The following ZNF644 variants were observed in gnomAD, a reference collection of about 807,000 sequenced individuals.
The protein encoded by ZNF644 is zinc finger motif enhancer binding protein 2.
In ZNF644, 20 loss-of-function variants were observed where a neutral mutation model predicts 108.0. The ratio of observed to expected loss-of-function variants is 0.19; its 90% confidence interval spans 0.13 to 0.27. The LOEUF (loss-of-function observed/expected upper bound fraction) is 0.27. Among genes scored for constraint, ZNF644 ranks in the 10% least tolerant of loss-of-function variants. The pLI is 1.00. For missense variants in ZNF644, 1,338 were observed against 1,548.9 expected (o/e 0.86, Z 2.29); for synonymous variants, 542 against 539.1 (o/e 1.01, Z -0.08).
rs967268562 is a variant in ZNF644, at chr1:90,938,574, T to C, written c.2780A>G (p.Asn927Ser). ...YFEYYEDTGS[N>S]NFLHEIHDPQ... ...ATCATGTATCTCATGCAAAAAGTTGTTACTTCCAGTATCTTCATAGTATTC... is the reference window on the plus strand; with the variant it reads ...ATCATGTATCTCATGCAAAAAGTTGCTACTTCCAGTATCTTCATAGTATTC... The change falls in exon 3 of 6, where the codon AAC (asparagine) becomes AGC (serine). Residue 927 changes from asparagine (N) to serine (S), a missense_variant. Asn to Ser is a conservative substitution (Grantham distance 46, BLOSUM62 1). Coordinates refer to ENST00000337393, the MANE Select transcript of ZNF644 (RefSeq NM_201269.3). The surrounding 1 kb of genome is among the most constrained non-coding windows in gnomAD (Gnocchi z 4.2). 6.2e-7 allele frequency: 1 copy of C among 1,613,920 alleles called. No individual in the cohort carries two copies. The highest frequency in any genetic ancestry group is 8.5e-7 in the Non-Finnish European group (1 of 1,179,866).
Position 90,952,736 on chromosome 1 carries a change from T to C in ZNF644, c.45-11427A>G, listed in dbSNP as rs1027953245. 1.2e-4 allele frequency among the ~76,000 whole-genome samples: 19 copies of C among 152,036 alleles called. 1 individual carries two copies. The highest frequency in any genetic ancestry group is 3.1e-4 in the African/African-American group (13 of 41,394). On this transcript the variant is annotated intron_variant, in intron 2 of 5. Coordinates refer to ENST00000337393, the MANE Select transcript of ZNF644 (RefSeq NM_201269.3). ...AACTGATATGGTAAAAGATCACACATACATTCCAACATCTAGTTGGAATCC... is the reference window on the plus strand; with the variant it reads ...AACTGATATGGTAAAAGATCACACACACATTCCAACATCTAGTTGGAATCC...
rs147561575 is a variant in ZNF644 at position 90,936,567 on chromosome 1, A to G, written c.3688+918T>C. Among the ~76,000 whole-genome samples the G allele has an allele frequency of 2.7e-3, 407 of 152,318 alleles. 2 individuals carry two copies. Among genetic ancestry groups the G allele is most frequent in the African/African-American group, 9.4e-3 (389 of 41,570 alleles). On this transcript the variant is annotated intron_variant, in intron 4 of 5. Coordinates refer to ENST00000337393, the MANE Select transcript of ZNF644 (RefSeq NM_201269.3). Reference sequence around the variant, plus strand: ...AAGCAAATAAACAACATTACTTTACAGTAATGTTAGTCGTTATTAATCCAT... The same window carrying G: ...AAGCAAATAAACAACATTACTTTACGGTAATGTTAGTCGTTATTAATCCAT...
intron 2 of ZNF644, among the ~76,000 whole-genome samples, chr1:90,950,388 ATTG>A (rs1653021733): frequency 6.6e-6 from 1 of 150,950 alleles, no homozygotes. Flanking sequence ...TGTTGTTGTT[ATTG>A]TTAGTAGTTT....
chr1:90,997,155 G>A (rs1658222587), intron 1 of ZNF644, among the ~76,000 whole-genome samples: 2 of 152,190 alleles, frequency 1.3e-5, no homozygotes, highest in African/African-American at 4.8e-5. Flanking sequence ...AGAGCCACAT[G>A]TACAGAAAGG....
intron 4 of ZNF644, among the ~76,000 whole-genome samples, chr1:90,919,168 T>C (rs1235179236): frequency 2.0e-5 from 3 of 152,174 alleles, no homozygotes; most frequent in South Asian, 2.1e-4. Context: ...ACCATTTCTT[T>C]GGACAAAGGG....
chr1:90,920,576 C>T (rs778741750), intron 4 of ZNF644, among the ~76,000 whole-genome samples: 18 of 151,724 alleles, frequency 1.2e-4, no homozygotes, highest in Admixed American at 2.0e-4. Context: ...GCTTTTGATG[C>T]TTTATGGACT....
intron 1 of ZNF644, among the ~76,000 whole-genome samples, chr1:91,006,227 A>G (rs1659405096): frequency 6.6e-6 from 1 of 152,208 alleles, no homozygotes; most frequent in Admixed American, 6.5e-5. Context: ...ACAAGTAGAG[A>G]GAACTTCCCA....
rs559600871 is a variant in ZNF644, at chr1:90,934,711, C to T, written c.3688+2774G>A. 2.6e-5 allele frequency among the ~76,000 whole-genome samples: 4 copies of T among 152,226 alleles called. No individual in the cohort carries two copies. The South Asian group carries it at 6.2e-4, about 24-fold the overall frequency. ...TATGTGCATAGCTAAATTTATTAAT[C>T]CTTAATATATTTAAGAAGTATTAAA... On this transcript the variant is annotated intron_variant, in intron 4 of 5. Transcript: ENST00000337393.
rs758327020 is a variant in ZNF644, at chr1:90,939,122, A to G, written c.2232T>C (p.Tyr744=). 1.2e-5 allele frequency: 20 copies of G among 1,613,700 alleles called. No homozygotes were observed. In the Admixed American group the frequency reaches 1.5e-4, roughly 12 times the overall value. ...ATTTTTTGATCATCCTATAGTTTTC[A>G]TATTTGTGTCTATACAAATAGTGGC... ...ANSHYLYRHK[Y]ENYRMIKKSG... Residue 744 remains tyrosine (Y), a synonymous_variant, in exon 3 of 6, where the codon TAT becomes TAC. Transcript: ENST00000337393.
chr1:90,975,928 C>T (rs1655966175), intron 2 of ZNF644, among the ~76,000 whole-genome samples: 1 of 152,128 alleles, frequency 6.6e-6, no homozygotes, highest in Admixed American at 6.5e-5. Flanking sequence ...AAGGCTTTCA[C>T]AGTATCATTT....
chr1:91,008,152 T>C (rs1037476087), intron 1 of ZNF644, among the ~76,000 whole-genome samples: 1 of 152,250 alleles, frequency 6.6e-6, no homozygotes, highest in African/African-American at 2.4e-5. Context: ...TAATTCTCCC[T>C]GTTTTCCAGT....
chr1:91,000,959 C>A (rs1160405985), intron 1 of ZNF644, among the ~76,000 whole-genome samples: 2 of 152,198 alleles, frequency 1.3e-5, no homozygotes, highest in Admixed American at 1.3e-4. Context: ...TTCCTGGACA[C>A]ATACACCCTC....
intron 4 of ZNF644, among the ~76,000 whole-genome samples, chr1:90,925,951 G>A (rs1001761431): frequency 6.6e-6 from 1 of 152,064 alleles, no homozygotes; most frequent in African/African-American, 2.4e-5. Context: ...TGAGTTCCCA[G>A]CCATGATGGG....
intron 1 of ZNF644, among the ~76,000 whole-genome samples, chr1:91,005,978 G>C (rs1659384200): frequency 6.6e-6 from 1 of 151,830 alleles, no homozygotes; most frequent in Non-Finnish European, 1.5e-5. Flanking sequence ...TTGGTTCTTT[G>C]AAAAGAACAA....
chr1:90,973,620 G>A (rs1243313192), intron 2 of ZNF644, among the ~76,000 whole-genome samples: 1 of 152,124 alleles, frequency 6.6e-6, no homozygotes, highest in African/African-American at 2.4e-5. Flanking sequence ...TCTGTGTTAA[G>A]TGTAGAAAGA....
chr1:90,935,423 G>A (rs576462285), intron 4 of ZNF644: 4 of 985,846 alleles, frequency 4.1e-6, no homozygotes, highest in Non-Finnish European at 4.8e-6. Flanking sequence ...CCAGTCAAAA[G>A]TCCAGCACTC....
At chr1:90,928,633 TA>T (rs1190694553) in intron 4 of ZNF644, among the ~76,000 whole-genome samples, 1 of 152,090 alleles carries the variant, frequency 6.6e-6, no homozygotes, top group African/African-American at 2.4e-5. Context: ...TCCTTATTTT[TA>T]AAACATCCTT....
At chr1:90,930,213 G>C (rs932726172) in intron 4 of ZNF644, among the ~76,000 whole-genome samples, 1 of 152,138 alleles carries the variant, frequency 6.6e-6, no homozygotes, top group Non-Finnish European at 1.5e-5. Flanking sequence ...TTGAACCTGG[G>C]AGGCAGAGGT....
chr1:90,921,752 T>C (rs1227060180), intron 4 of ZNF644, among the ~76,000 whole-genome samples: 1 of 147,086 alleles, frequency 6.8e-6, no homozygotes, highest in Non-Finnish European at 1.5e-5. Flanking sequence ...AAAAAAAAAA[T>C]AGAATATACC....
Sources: allele counts gnomAD v4.1 joint callset (sites outside exome capture counted in the v4.1 genomes callset), GRCh38; gene constraint gnomAD v4.1.1; non-coding constraint Gnocchi (gnomAD v3.1); transcripts MANE v1.5; gene names NCBI Gene and HGNC (gene_info 2026-07-23, HGNC 2026-07-21).